The following DCP2 variants were observed in gnomAD, a reference collection of about 807,000 sequenced individuals.
DCP2 encodes decapping mRNA 2.
Under a neutral mutation model 56.1 loss-of-function variants are expected in DCP2, and 30 were observed. The ratio of observed to expected loss-of-function variants is 0.53; its 90% CI spans 0.40 to 0.73. DCP2 has a LOEUF of 0.73. DCP2 is among the 30% of genes least tolerant of loss of function. DCP2 has a pLI of 0.00. For synonymous variants in DCP2, 197 were observed against 163.3 expected, an observed-to-expected ratio of 1.21 and a Z score of -1.57; for missense variants, 533 against 502.7, an observed-to-expected ratio of 1.06 and a Z score of -0.58.
At position 112,985,835 on chromosome 5, in the gene DCP2, C is replaced by T; in HGVS notation, c.54C>T (p.Ser18=). 1.3e-6 allele frequency: 2 copies of T among 1,592,844 alleles called. No homozygotes were observed. The highest frequency in any genetic ancestry group is 1.7e-6 in the Non-Finnish European group (2 of 1,162,298). The change falls in exon 2 of 11, where the codon AGC becomes AGT. Residue 18 remains serine (S), a splice_region_variant and synonymous_variant. Coordinates refer to ENST00000389063, the MANE Select transcript of DCP2 (RefSeq NM_152624.6). ...TTTGTATGTGTTTTGTTTTTGACAG[C>T]CGATTTATTTTGCATATTCCCAGCG... ...IPGSVLDDLC[S]RFILHIPSEE...
intron 10 of DCP2, 92 bp from the exon 11 acceptor site, chr5:113,013,229 A>G (rs1046568898): frequency 1.5e-6 from 2 of 1,360,632 alleles, no homozygotes; most frequent in Non-Finnish European, 2.0e-6. Flanking sequence ...TATATACTCA[A>G]AACTAATTGT....
intron 4 of DCP2, among the ~76,000 whole-genome samples, chr5:112,999,775 G>A (rs572815960): frequency 5.9e-5 from 9 of 151,690 alleles, no homozygotes; most frequent in African/African-American, 9.7e-5. Flanking sequence ...AAAAACAGGC[G>A]TGCGGCCGGG....
At chr5:113,006,095 A>G (rs1749419505) in intron 8 of DCP2, among the ~76,000 whole-genome samples, 1 of 150,910 alleles carries the variant, frequency 6.6e-6, no homozygotes, top group Admixed American at 6.6e-5. Flanking sequence ...CAGCCTGGGC[A>G]ACAGGAGTGG....
intron 4 of DCP2, among the ~76,000 whole-genome samples, chr5:112,997,106 T>G (rs1748896142): frequency 6.6e-6 from 1 of 152,230 alleles, no homozygotes; most frequent in South Asian, 2.1e-4. Context: ...CTATTAGCTC[T>G]TTTTCTCCAC....
At position 113,001,553 on chromosome 5, in the gene DCP2, T is replaced by C. The variant is rs769932954; in HGVS notation, c.699-14T>C. On this transcript the variant is annotated splice_polypyrimidine_tract_variant and intron_variant, in intron 6 of 10. Transcript: ENST00000389063. Reference sequence around the variant, plus strand: ...TAGCCATATTTTGAAAGTGAATTCTTAATGTTTCTGCAGACCATTAAGGGA... The same window carrying C: ...TAGCCATATTTTGAAAGTGAATTCTCAATGTTTCTGCAGACCATTAAGGGA... 7 of 1,613,158 alleles carry C rather than the reference T, an allele frequency of 4.3e-6. No individual in the cohort carries two copies. In the South Asian group the frequency reaches 4.4e-5, roughly 10 times the overall value.
chr5:112,976,815 C>G lies in DCP2; in HGVS notation c.-119C>G, dbSNP rs770304314. ...TTCCCCTTCTCGTCTCCGTTGGAGT[C>G]GTCTCTGCCGCGGCTTCCTCGGCTG... On this transcript the variant is annotated 5_prime_UTR_variant, in exon 1 of 11. Transcript: ENST00000389063. 4.0e-6 allele frequency: 4 copies of G among 997,996 alleles called. No individual in the cohort carries two copies. Among genetic ancestry groups the G allele is most frequent in the Non-Finnish European group, 6.5e-6 (4 of 617,378 alleles). 61.8% of individuals were successfully genotyped at this position (997,996 alleles called of 1,614,324 possible).
intron 7 of DCP2, 85 bp downstream of exon 7, chr5:113,001,759 G>A: frequency 7.8e-7 from 1 of 1,286,086 alleles, no homozygotes; most frequent in Non-Finnish European, 1.1e-6. Flanking sequence ...AATTTGCAGA[G>A]GATGTAAGAT....
chr5:113,016,346 G>A lies in DCP2; in HGVS notation c.*2862G>A, dbSNP rs1474312723. The A allele has an allele frequency of 6.6e-6, 1 of 152,490 alleles. No individual in the cohort carries two copies. The highest frequency in any genetic ancestry group is 1.5e-5 in the Non-Finnish European group (1 of 68,020). The allele number at this position is 152,490 out of a possible 1,614,324, so 9.4% of individuals were successfully genotyped here. A position where few individuals can be genotyped will look rare whatever the true frequency, so the allele number is the denominator to read the frequency against. On this transcript the variant is annotated 3_prime_UTR_variant, in exon 11 of 11. Transcript: ENST00000389063. ...TGAGTGAAATTTGATTAAAGATGTTGGAAAATGAAGTTGGATTTTTGTATT... is the reference window on the plus strand; with the variant it reads ...TGAGTGAAATTTGATTAAAGATGTTAGAAAATGAAGTTGGATTTTTGTATT...
At chr5:112,999,666 A>G (rs898174591) in intron 4 of DCP2, among the ~76,000 whole-genome samples, 1 of 147,566 alleles carries the variant, frequency 6.8e-6, no homozygotes, top group African/African-American at 2.5e-5. Flanking sequence ...TTGCTCTGTC[A>G]TCTAGACTGG....
At chr5:112,981,687 T>G (rs980921440) in intron 1 of DCP2, among the ~76,000 whole-genome samples, 3 of 152,198 alleles carry the variant, frequency 2.0e-5, no homozygotes, top group Non-Finnish European at 4.4e-5. Flanking sequence ...TCCTACAAAT[T>G]GGTCAAAATG....
At chr5:113,013,205 T>G in intron 10 of DCP2, 116 bp from the exon 11 acceptor site, 1 of 1,090,580 alleles carries the variant, frequency 9.2e-7, no homozygotes. Context: ...AGGGTTAGAG[T>G]CTGGGAAGAT....
chr5:112,992,914 TA>T, intron 4 of DCP2, 144 bp downstream of exon 4: 2 of 444,664 alleles, frequency 4.5e-6, no homozygotes, highest in Non-Finnish European at 7.6e-6. Context: ...TTTTTTTTTT[TA>T]AATCACTGTT....
chr5:113,010,171 T>A (rs915399312), intron 9 of DCP2, among the ~76,000 whole-genome samples: 1 of 151,646 alleles, frequency 6.6e-6, no homozygotes, highest in Non-Finnish European at 1.5e-5. Flanking sequence ...TAGCTGGGAC[T>A]ATAGGTGCGT....
intron 1 of DCP2, among the ~76,000 whole-genome samples, chr5:112,985,380 A>G (rs1349480982): frequency 6.6e-6 from 1 of 152,202 alleles, no homozygotes; most frequent in African/African-American, 2.4e-5. Context: ...GCTTTTTGGG[A>G]AGTCCTAGTA....
chr5:113,012,707 G>A (rs1425181450), intron 10 of DCP2, among the ~76,000 whole-genome samples: 5 of 152,016 alleles, frequency 3.3e-5, no homozygotes, highest in Admixed American at 6.6e-5. Context: ...GCAACAGCAC[G>A]ATCTCAGCTT....
chr5:112,988,662 A>G (rs1748426393), intron 2 of DCP2, among the ~76,000 whole-genome samples: 1 of 152,202 alleles, frequency 6.6e-6, no homozygotes, highest in Non-Finnish European at 1.5e-5. Context: ...GTTTGATTAA[A>G]TGTGTAGAAG....
chr5:113,001,189 A>G lies in DCP2; in HGVS notation c.538A>G (p.Ile180Val). ...QLARLYIIPG[I>V]PKDTKFNPKT... ...TGCTCGTTTGTACATCATTCCAGGAATTCCAAAAGACACAAAATTTAACCC... is the reference window on the plus strand; with the variant it reads ...TGCTCGTTTGTACATCATTCCAGGAGTTCCAAAAGACACAAAATTTAACCC... Residue 180 changes from isoleucine (I) to valine (V), a missense_variant, in exon 5 of 11, where the codon ATT becomes GTT. Physicochemically the swap from Ile to Val is conservative, Grantham distance 29. Transcript: ENST00000389063. 2 of 1,613,692 alleles carry G rather than the reference A, an allele frequency of 1.2e-6. No individual in the cohort carries two copies. The highest frequency in any genetic ancestry group is 1.7e-6 in the Non-Finnish European group (2 of 1,179,918).
chr5:112,993,635 A>C (rs1307449037), intron 4 of DCP2, among the ~76,000 whole-genome samples: 5 of 134,746 alleles, frequency 3.7e-5, no homozygotes, highest in African/African-American at 1.3e-4. Context: ...AAAAAAAAAA[A>C]AAAACCAAAA....
At position 112,992,111 on chromosome 5, in the gene DCP2, C is replaced by G. The variant is rs769025683; in HGVS notation, c.206-10C>G. 3 of 1,612,880 alleles carry G rather than the reference C, an allele frequency of 1.9e-6. No individual in the cohort carries two copies. Among genetic ancestry groups the G allele is most frequent in the East Asian group, 4.5e-5 (2 of 44,832 alleles). On this transcript the variant is annotated splice_polypyrimidine_tract_variant and intron_variant, in intron 2 of 10. Transcript: ENST00000389063. ...AAAGGAGAAAGTAACTTCCTTGACACTATTTATACTCTTCAGTCATTGTCC... is the reference window on the plus strand; with the variant it reads ...AAAGGAGAAAGTAACTTCCTTGACAGTATTTATACTCTTCAGTCATTGTCC...
Sources: gnomAD v4.1 joint callset for allele counts (sites outside exome capture counted in the v4.1 genomes callset) on GRCh38, gnomAD v4.1.1 for gene constraint, MANE v1.5 for transcripts, NCBI Gene and HGNC (gene_info 2026-07-23, HGNC 2026-07-21) for gene names.